Variants in CCDC91 observed in about 807,000 individuals in gnomAD.
The protein encoded by CCDC91 is coiled-coil domain-containing protein 91.
In CCDC91, 48 loss-of-function variants were observed where a neutral mutation model predicts 63.2. The observed-to-expected ratio is 0.76, with a 90% CI of 0.60 to 0.97. The LOEUF is 0.97. Ranked by LOEUF, CCDC91 falls within the 50% of genes least tolerant of loss-of-function variation. The pLI, the probability that CCDC91 is intolerant of heterozygous loss-of-function variation, is 0.00. For synonymous variants in CCDC91, 167 were observed against 165.8 expected (o/e 1.01, Z -0.06); for missense variants, 500 against 494.6 (o/e 1.01, Z -0.10).
chr12:28,307,675 G>A lies in CCDC91; in HGVS notation c.502G>A (p.Val168Ile), dbSNP rs546085515. The A allele has an allele frequency of 1.8e-5, 29 of 1,579,786 alleles. 1 individual carries two copies. In the South Asian group the frequency reaches 3.1e-4, roughly 17 times the overall value. ...GGAATCATTGATGGAAAAGCATAAT[G>A]TCTTAGAAAAAGGCTTTCTAAAAGA... ...DVESLMEKHNVLEKGFLKEKE... is the reference protein window; with the variant it reads ...DVESLMEKHNILEKGFLKEKE... The change falls in exon 6 of 13, where the codon GTC becomes ATC. Residue 168 changes from valine (V) to isoleucine (I), a missense_variant. By Grantham distance (29) the Val-to-Ile change is conservative. Coordinates refer to ENST00000536442, the MANE Select transcript of CCDC91 (RefSeq NM_018318.5).
At chr12:28,529,908 A>G (rs1941595204) in intron 12 of CCDC91, among the ~76,000 whole-genome samples, 1 of 152,210 alleles carries the variant, frequency 6.6e-6, no homozygotes, top group African/African-American at 2.4e-5. Context: ...GAGAAGATTT[A>G]TAACTGCTTG....
intron 8 of CCDC91, among the ~76,000 whole-genome samples, chr12:28,393,276 T>C (rs1294801405): frequency 6.6e-6 from 1 of 152,172 alleles, no homozygotes; most frequent in Admixed American, 6.5e-5. Context: ...CAGTTAAGGG[T>C]AATGATTCCT....
chr12:28,458,455 C>CTTTTTT (rs60083355), intron 11 of CCDC91, among the ~76,000 whole-genome samples: 1,108 of 45,778 alleles, frequency 0.024, 326 homozygotes, highest in African/African-American at 0.11. Context: ...ATTTGCACAC[C>CTTTTTT]TTTTTTTTTT....
At chr12:28,351,002 A>T (rs1180811981) in intron 6 of CCDC91, among the ~76,000 whole-genome samples, 2 of 152,204 alleles carry the variant, frequency 1.3e-5, no homozygotes, top group Non-Finnish European at 2.9e-5. Flanking sequence ...TTTTAGGGGC[A>T]CAATGCAATC....
intron 1 of CCDC91, among the ~76,000 whole-genome samples, chr12:28,243,802 G>A: frequency 6.6e-6 from 1 of 152,214 alleles, no homozygotes; most frequent in East Asian, 1.9e-4. Context: ...AAAGCAACAA[G>A]CCCAAGTGAT....
At chr12:28,530,431 G>A (rs1259639944) in intron 12 of CCDC91, among the ~76,000 whole-genome samples, 1 of 152,178 alleles carries the variant, frequency 6.6e-6, no homozygotes, top group Non-Finnish European at 1.5e-5. Flanking sequence ...TCTTCCTACT[G>A]AAGTCCCAAA....
At chr12:28,222,216 A>G (rs1235280641) in intron 1 of CCDC91, among the ~76,000 whole-genome samples, 1 of 152,128 alleles carries the variant, frequency 6.6e-6, no homozygotes, top group Non-Finnish European at 1.5e-5. Context: ...TGCTATCTGT[A>G]TACTGTAATT....
intron 6 of CCDC91, among the ~76,000 whole-genome samples, chr12:28,326,913 G>T (rs1257009999): frequency 6.6e-6 from 1 of 152,084 alleles, no homozygotes; most frequent in Non-Finnish European, 1.5e-5. Flanking sequence ...CGATGCAATA[G>T]AATTGAAAAG....
chr12:28,485,271 G>C (rs1005200629), intron 12 of CCDC91, among the ~76,000 whole-genome samples: 1 of 151,478 alleles, frequency 6.6e-6, no homozygotes, highest in African/African-American at 2.4e-5. Flanking sequence ...CAATTCTTCT[G>C]CCCCAGCCTC....
intron 3 of CCDC91, among the ~76,000 whole-genome samples, chr12:28,283,687 A>G (rs1251672424): frequency 6.6e-6 from 1 of 152,176 alleles, no homozygotes; most frequent in African/African-American, 2.4e-5. Context: ...ATGAGACCCA[A>G]GTGTAAACAT....
At chr12:28,228,017 GTT>G (rs1406935240) in intron 1 of CCDC91, among the ~76,000 whole-genome samples, 2 of 151,956 alleles carry the variant, frequency 1.3e-5, no homozygotes, top group African/African-American at 4.8e-5. Flanking sequence ...CTAAAAGACA[GTT>G]ATTTTTATTG....
At chr12:28,278,320 A>G (rs942781418) in intron 3 of CCDC91, among the ~76,000 whole-genome samples, 4 of 151,492 alleles carry the variant, frequency 2.6e-5, no homozygotes, top group East Asian at 3.9e-4. Flanking sequence ...CCTCTTAACA[A>G]TTGTTTTTAG....
chr12:28,508,951 C>T (rs1436074965), intron 12 of CCDC91, among the ~76,000 whole-genome samples: 1 of 151,884 alleles, frequency 6.6e-6, no homozygotes, highest in African/African-American at 2.4e-5. Flanking sequence ...ATATGATCTC[C>T]AAGGTGAAGT....
intron 6 of CCDC91, among the ~76,000 whole-genome samples, chr12:28,315,497 C>T (rs948514240): frequency 6.6e-6 from 1 of 151,920 alleles, no homozygotes; most frequent in African/African-American, 2.4e-5. Context: ...CTTTCAGGTC[C>T]AAGCAATGAA....
chr12:28,273,989 C>T (rs1432151621), intron 3 of CCDC91, among the ~76,000 whole-genome samples: 1 of 152,054 alleles, frequency 6.6e-6, no homozygotes, highest in Non-Finnish European at 1.5e-5. Flanking sequence ...ACATTTAAGT[C>T]TTTAATCCAT....
At chr12:28,362,003 G>T (rs1250732211) in intron 6 of CCDC91, among the ~76,000 whole-genome samples, 10 of 152,106 alleles carry the variant, frequency 6.6e-5, no homozygotes, top group Non-Finnish European at 1.0e-4. Context: ...TGTCCAAAGA[G>T]ACTTCATCCT....
chr12:28,522,108 C>T (rs1940746746), intron 12 of CCDC91, among the ~76,000 whole-genome samples: 2 of 152,142 alleles, frequency 1.3e-5, no homozygotes, highest in Admixed American at 6.6e-5. Context: ...GGGAGGATTC[C>T]CTCTTTTTCT....
chr12:28,503,357 G>C (rs539793823), intron 12 of CCDC91, among the ~76,000 whole-genome samples: 114 of 152,316 alleles, frequency 7.5e-4, no homozygotes, highest in African/African-American at 2.6e-3. Context: ...CTGGCCATCA[G>C]AGAAATGCAA....
intron 1 of CCDC91, among the ~76,000 whole-genome samples, chr12:28,222,306 G>C (rs759465868): frequency 6.6e-6 from 1 of 151,210 alleles, no homozygotes; most frequent in East Asian, 2.0e-4. Flanking sequence ...GGTGGTGGTG[G>C]TGGTGCTGGT....
Sources: gnomAD v4.1 joint callset for allele counts (sites outside exome capture counted in the v4.1 genomes callset) on GRCh38, gnomAD v4.1.1 for gene constraint, MANE v1.5 for transcripts, NCBI Gene and HGNC (gene_info 2026-07-23, HGNC 2026-07-21) for gene names.